SLC6A12: variants seen among roughly 807,000 people sequenced by gnomAD.
SLC6A12 encodes sodium- and chloride-dependent betaine transporter.
In SLC6A12, 50 loss-of-function variants were observed where a neutral mutation model predicts 73.3. The ratio of observed to expected loss-of-function variants is 0.68; its 90% CI spans 0.54 to 0.86. The LOEUF (loss-of-function observed/expected upper bound fraction) is 0.86, where lower values mean the gene tolerates loss of function less well. Ranked by LOEUF, SLC6A12 falls within the 40% of genes least tolerant of loss-of-function variation. The probability of loss-of-function intolerance (pLI) is 0.00; values close to 1 mark genes in which losing one functional copy is unlikely to be tolerated. For missense variants in SLC6A12, 648 were observed against 772.8 expected (o/e 0.84, Z 1.92); for synonymous variants, 304 against 309.2 (o/e 0.98, Z 0.18).
chr12:192,360 G>C, intron 15 of SLC6A12, 118 bp downstream of exon 15: 2 of 840,322 alleles, frequency 2.4e-6, no homozygotes. Context: ...TGAGACTGAA[G>C]GGCTGCCCCA....
At chr12:189,641 C>T (rs1939510649), downstream of SLC6A12, among the ~76,000 whole-genome samples, 1 of 152,176 alleles carries the variant, frequency 6.6e-6, no homozygotes, top group South Asian at 2.1e-4. Context: ...CTGAAATTCC[C>T]TCCCCAGCCC....
In SLC6A12 at chr12:210,029, G is replaced by A. The variant is rs776584132; in HGVS notation, c.-43C>T. 1.2e-6 allele frequency: 2 copies of A among 1,607,274 alleles called. No homozygotes were observed. The highest frequency in any genetic ancestry group is 1.3e-5 in the African/African-American group (1 of 74,772). On this transcript the variant is annotated 5_prime_UTR_variant, in exon 3 of 16. Coordinates refer to ENST00000684302, the MANE Select transcript of SLC6A12 (RefSeq NM_001122848.3). ...GGAAGCCCCGCTGGGTGGGCAGGAT[G>A]ACGAGGGCCAAAGCCTGGTGGGAAG...
At chr12:200,916 C>G (rs1565472925) in intron 6 of SLC6A12, 133 bp from the exon 7 acceptor site, 5 of 833,654 alleles carry the variant, frequency 6.0e-6, no homozygotes, top group African/African-American at 1.7e-5. Flanking sequence ...CTCCCCACCT[C>G]CCCCACAGTC....
chr12:195,376 A>T (rs1370025649), intron 12 of SLC6A12, 49 bp from the exon 13 acceptor site: 1 of 1,214,210 alleles, frequency 8.2e-7, no homozygotes, highest in East Asian at 2.3e-5. Context: ...GAGCTGGGAC[A>T]CACTCCAGCC....
intron 3 of SLC6A12, among the ~76,000 whole-genome samples, chr12:207,807 G>A (rs1382631660): frequency 6.6e-6 from 1 of 152,144 alleles, no homozygotes; most frequent in Non-Finnish European, 1.5e-5. Context: ...ACTCCAGAAG[G>A]GGACCCCAAC....
downstream of SLC6A12, among the ~76,000 whole-genome samples, chr12:187,612 AAAAAAAAAAAAAAAAAAAACAAAC>A (rs1939457583): frequency 4.3e-4 from 7 of 16,306 alleles, no homozygotes; most frequent in African/African-American, 6.5e-4. Context: ...AAAAAAAAAA[AAAAAAAAAAAAAAAAAAAACAAAC>A]CACACACACA....
rs750028666 is a variant in SLC6A12, at chr12:198,945, G to A, written c.712-14C>T. ...GAAATAAACCACCTGGAGGTGGGGG[G>A]ACAGGCCAAGGTCACTCCTGGTGGG... On this transcript the variant is annotated splice_polypyrimidine_tract_variant and intron_variant, in intron 7 of 15. Coordinates refer to ENST00000684302, the MANE Select transcript of SLC6A12 (RefSeq NM_001122848.3). This position sits in a 1 kb window ranked among gnomAD's most constrained non-coding sequence, Gnocchi z 4.0. The A allele has an allele frequency of 6.2e-6, 10 of 1,613,772 alleles. No individual in the cohort carries two copies. Among genetic ancestry groups the A allele is most frequent in the Non-Finnish European group, 8.5e-6 (10 of 1,179,784 alleles).
Position 192,668 on chromosome 12 carries a change from G to T in SLC6A12, c.1531-20C>A. ...AGTGGCCTGGGAGAAGGAAGGGGCA[G>T]CCATGGGTAAGATAGGGGGCGACTG... On this transcript the variant is annotated intron_variant, in intron 14 of 15. Transcript: ENST00000684302. The T allele has an allele frequency of 6.2e-7, 1 of 1,613,412 alleles. No individual in the cohort carries two copies. Among genetic ancestry groups the T allele is most frequent in the Non-Finnish European group, 8.5e-7 (1 of 1,179,432 alleles).
intron 10 of SLC6A12, among the ~76,000 whole-genome samples, 178 bp from the exon 11 acceptor site, chr12:197,060 T>TC (rs1939906065): frequency 1.3e-5 from 2 of 152,296 alleles, no homozygotes; most frequent in African/African-American, 4.8e-5. Context: ...CATCCATCCA[T>TC]CCATCCATCT....
At chr12:207,732 T>C (rs982811212) in intron 3 of SLC6A12, among the ~76,000 whole-genome samples, 2 of 152,270 alleles carry the variant, frequency 1.3e-5, no homozygotes, top group Middle Eastern at 3.4e-3. Flanking sequence ...CATTAGGTTG[T>C]TGGAAATGAG....
At chr12:200,878 C>T (rs1053265680) in intron 6 of SLC6A12, 95 bp from the exon 7 acceptor site, 20 of 1,339,524 alleles carry the variant, frequency 1.5e-5, no homozygotes, top group Admixed American at 6.2e-5. Flanking sequence ...GCTGACCCCA[C>T]GGATCTCATA....
At chr12:194,745 A>C (rs958752487) in intron 13 of SLC6A12, among the ~76,000 whole-genome samples, 1 of 152,222 alleles carries the variant, frequency 6.6e-6, no homozygotes, top group African/African-American at 2.4e-5. Flanking sequence ...AATTCACCTC[A>C]GTACAGGAGA....
chr12:201,317 C>T (rs187002842), intron 6 of SLC6A12: 37 of 207,980 alleles, frequency 1.8e-4, no homozygotes, highest in African/African-American at 7.0e-4. Flanking sequence ...TGAAGGGGTA[C>T]GTTGTCAGGT....
chr12:193,572 A>C (rs1939719784), intron 13 of SLC6A12, among the ~76,000 whole-genome samples, 195 bp from the exon 14 acceptor site: 1 of 151,886 alleles, frequency 6.6e-6, no homozygotes, highest in Non-Finnish European at 1.5e-5. Flanking sequence ...GTCACGAGGC[A>C]GGGGCTGCCC....
At position 198,041 on chromosome 12, in the gene SLC6A12, C is replaced by A. The variant is rs1204359790; in HGVS notation, c.847-38G>T. ...CCAAGAAAGAGGTAGAGGCAGCCCC[C>A]AGGGCCCAGAGCCAGGGTGACCCGA... On this transcript the variant is annotated intron_variant, in intron 8 of 15. Transcript: ENST00000684302. The surrounding 1 kb of genome is among the most constrained non-coding windows in gnomAD (Gnocchi z 4.0). 27 of 1,571,360 alleles carry A rather than the reference C, an allele frequency of 1.7e-5. No homozygotes were observed. The highest frequency in any genetic ancestry group is 2.1e-5 in the Non-Finnish European group (24 of 1,141,884).
At position 196,471 on chromosome 12, in the gene SLC6A12, G is replaced by T. The variant is rs374527562; in HGVS notation, c.1189-210C>A. On this transcript the variant is annotated intron_variant, in intron 11 of 15. Coordinates refer to ENST00000684302, the MANE Select transcript of SLC6A12 (RefSeq NM_001122848.3). ...GAGTCTCAGCAGTGAGGGTTAGAGG[G>T]GGGTATGTTCTGTCCCCGAGGCTCA... Among the ~76,000 whole-genome samples the T allele has an allele frequency of 2.0e-5, 3 of 152,346 alleles. No homozygotes were observed. In the South Asian group the frequency reaches 6.2e-4, roughly 32 times the overall value.
Position 197,966 on chromosome 12 carries a change from AAGG to A in SLC6A12, c.881_883del (p.Ser294del). ...TGTCAGGCACCCCTGGCAGATGGCA[AAGG>A]AGAAGAAGATCTGGGTGCCCGCATC... is the stretch of plus-strand genomic sequence containing the variant. On this transcript the variant is annotated inframe_deletion, in exon 9 of 16. Transcript: ENST00000684302. The A allele has an allele frequency of 6.2e-7, 1 of 1,613,698 alleles. No individual in the cohort carries two copies. Among genetic ancestry groups the A allele is most frequent in the Non-Finnish European group, 8.5e-7 (1 of 1,179,890 alleles).
At chr12:208,800 A>G (rs1243213150) in intron 3 of SLC6A12, among the ~76,000 whole-genome samples, 2 of 152,164 alleles carry the variant, frequency 1.3e-5, no homozygotes, top group African/African-American at 4.8e-5. Flanking sequence ...CTGTGACTAT[A>G]CTAAAAACCA....
chr12:201,453 G>T (rs540081300), intron 6 of SLC6A12: 260 of 323,974 alleles, frequency 8.0e-4, no homozygotes, highest in Non-Finnish European at 1.4e-3. Flanking sequence ...TGCACACTCA[G>T]CTCCCCTAAA....
Sources: gnomAD v4.1 joint callset for allele counts (sites outside exome capture counted in the v4.1 genomes callset) on GRCh38, gnomAD v4.1.1 for gene constraint, Gnocchi (gnomAD v3.1) non-coding constraint, MANE v1.5 for transcripts, NCBI Gene and HGNC (gene_info 2026-07-23, HGNC 2026-07-21) for gene names.